MTR: variants seen among roughly 807,000 people sequenced by gnomAD.
The protein encoded by MTR is methionine synthase.
A neutral mutation model predicts 154.8 loss-of-function variants in MTR; 84 were observed. That is an observed-to-expected ratio of 0.54 (90% confidence interval 0.45 to 0.65). The LOEUF (loss-of-function observed/expected upper bound fraction) is 0.65, where lower values mean the gene tolerates loss of function less well. Among genes scored for constraint, MTR ranks in the 30% least tolerant of loss-of-function variants. The probability of loss-of-function intolerance (pLI) is 0.00; values close to 1 mark genes in which losing one functional copy is unlikely to be tolerated. For missense variants in MTR, 1,275 were observed against 1,570.2 expected (o/e 0.81, Z 3.18); for synonymous variants, 554 against 553.9 (o/e 1.00, Z 0.00).
intron 24 of MTR, among the ~76,000 whole-genome samples, chr1:236,875,169 G>A (rs1665360924): frequency 6.6e-6 from 1 of 152,192 alleles, no homozygotes; most frequent in Non-Finnish European, 1.5e-5. Flanking sequence ...ATTAAACCGA[G>A]TGGAGAAGCT....
At chr1:236,835,224 G>A (rs1329041078) in intron 13 of MTR, among the ~76,000 whole-genome samples, 5 of 151,962 alleles carry the variant, frequency 3.3e-5, no homozygotes, top group African/African-American at 1.2e-4. Flanking sequence ...GGCTCCAGTC[G>A]GGGTGGAATG....
chr1:236,798,293 C>G (rs1368190821), intron 1 of MTR, among the ~76,000 whole-genome samples: 3 of 152,222 alleles, frequency 2.0e-5, no homozygotes, highest in Admixed American at 2.0e-4. Context: ...TTATAACTTA[C>G]ATGCACATAT....
rs1344360165 is a variant in MTR at position 236,901,675 on chromosome 1, C to A, written c.*4031C>A. The A allele has an allele frequency of 6.6e-6, 1 of 152,318 alleles. No homozygotes were observed. The highest frequency in any genetic ancestry group is 2.4e-5 in the African/African-American group (1 of 41,434). 9.4% of individuals were successfully genotyped at this position (152,318 alleles called of 1,614,324 possible). A position where few individuals can be genotyped will look rare whatever the true frequency, so the allele number is the denominator to read the frequency against. ...GCCGAGTTCTGGTGAGGGCCCTCTT[C>A]TGGGATGCAGCGGCCAGCTTCTCAT... On this transcript the variant is annotated 3_prime_UTR_variant, in exon 33 of 33. Transcript: ENST00000366577.
In MTR at chr1:236,808,991, G is replaced by A. The variant is rs377348122; in HGVS notation, c.409+218G>A. Among the ~76,000 whole-genome samples, 5 of 152,284 alleles carry A rather than the reference G, an allele frequency of 3.3e-5. No homozygotes were observed. In the East Asian group the frequency reaches 7.7e-4, roughly 24 times the overall value. On this transcript the variant is annotated intron_variant, in intron 4 of 32. Coordinates refer to ENST00000366577, the MANE Select transcript of MTR (RefSeq NM_000254.3). ...TGCCAACTCTGTGGTCCTTGGGCTC[G>A]GAATTTGCTCTTTCACCCTGGGTTA...
At chr1:236,873,302 G>C (rs1272720013) in intron 22 of MTR, among the ~76,000 whole-genome samples, 1 of 152,132 alleles carries the variant, frequency 6.6e-6, no homozygotes, top group Non-Finnish European at 1.5e-5. Flanking sequence ...GAGAAGAAGG[G>C]GTAGTTATTG....
intron 16 of MTR, 131 bp downstream of exon 16, chr1:236,850,654 C>A: frequency 1.1e-6 from 1 of 927,846 alleles, no homozygotes; most frequent in Non-Finnish European, 1.7e-6. Flanking sequence ...AATTGTTTTT[C>A]TGAAATGTAG....
rs757914866 is a variant in MTR at position 236,852,924 on chromosome 1, C to T, written c.1813-24C>T. 7 of 1,613,676 alleles carry T rather than the reference C, an allele frequency of 4.3e-6. No homozygotes were observed. The South Asian group carries it at 7.7e-5, about 18-fold the overall frequency. On this transcript the variant is annotated intron_variant, in intron 17 of 32. Coordinates refer to ENST00000366577, the MANE Select transcript of MTR (RefSeq NM_000254.3). ...GACTTAAGGTATCACTGTAAATTCT[C>T]ATTTTTATTTGTATTGCCCTTAGTC...
chr1:236,890,747 C>T (rs1666272470), intron 28 of MTR, among the ~76,000 whole-genome samples: 1 of 152,180 alleles, frequency 6.6e-6, no homozygotes, highest in Admixed American at 6.5e-5. Context: ...GCACAGGTCG[C>T]GTCTCCCAGA....
intron 8 of MTR, among the ~76,000 whole-genome samples, chr1:236,821,441 A>G (rs1458058843): frequency 6.6e-6 from 1 of 152,212 alleles, no homozygotes; most frequent in African/African-American, 2.4e-5. Flanking sequence ...GGCATGGACA[A>G]ACCACATCCA....
intron 11 of MTR, among the ~76,000 whole-genome samples, chr1:236,827,974 A>G (rs1662389322): frequency 6.6e-6 from 1 of 152,058 alleles, no homozygotes; most frequent in Admixed American, 6.6e-5. Context: ...CTCTTAGTAA[A>G]TAATATATAT....
intron 5 of MTR, 40 bp from the exon 6 acceptor site, chr1:236,812,698 A>G (rs1340715659): frequency 6.5e-7 from 1 of 1,529,522 alleles, no homozygotes; most frequent in East Asian, 2.2e-5. Context: ...TTCAGAGGAT[A>G]TTGATGACTG....
intron 27 of MTR, 100 bp from the exon 28 acceptor site, chr1:236,889,081 C>T (rs923020092): frequency 1.2e-5 from 17 of 1,410,128 alleles, no homozygotes; most frequent in African/African-American, 1.4e-5. Flanking sequence ...AGGAGGGAGG[C>T]GGAGTGTGGG....
At chr1:236,823,798 T>C (rs1284537436) in intron 8 of MTR, among the ~76,000 whole-genome samples, 7 of 107,766 alleles carry the variant, frequency 6.5e-5, no homozygotes, top group African/African-American at 3.0e-4. Context: ...GGTCAGATCT[T>C]TTTTTTTTTT....
chr1:236,854,270 G>C (rs1664074860), intron 18 of MTR, among the ~76,000 whole-genome samples: 1 of 152,154 alleles, frequency 6.6e-6, no homozygotes. Context: ...AAGGAGTTCA[G>C]ACACTGTGCC....
chr1:236,841,322 A>G (rs1477089940), intron 15 of MTR, among the ~76,000 whole-genome samples: 3 of 152,206 alleles, frequency 2.0e-5, no homozygotes, highest in African/African-American at 7.2e-5. Context: ...ATGCAGTAGT[A>G]TACTGTGATT....
chr1:236,802,069 G>A (rs1660728486), intron 1 of MTR, among the ~76,000 whole-genome samples: 1 of 152,148 alleles, frequency 6.6e-6, no homozygotes, highest in African/African-American at 2.4e-5. Flanking sequence ...TTGTCACAGG[G>A]CGAGGAAGGT....
At chr1:236,888,163 G>A (rs1246204302) in intron 27 of MTR, among the ~76,000 whole-genome samples, 1 of 152,164 alleles carries the variant, frequency 6.6e-6, no homozygotes, top group African/African-American at 2.4e-5. Flanking sequence ...TTCTCCCAGA[G>A]CCCCTGAGAT....
At chr1:236,803,189 C>T (rs1444703680) in intron 1 of MTR, among the ~76,000 whole-genome samples, 1 of 152,142 alleles carries the variant, frequency 6.6e-6, no homozygotes, top group African/African-American at 2.4e-5. Context: ...GTGTAGCCTA[C>T]CTTCACCTTG....
intron 2 of MTR, among the ~76,000 whole-genome samples, chr1:236,805,807 C>G (rs1049376005): frequency 3.3e-5 from 5 of 151,992 alleles, no homozygotes; most frequent in African/African-American, 1.2e-4. Context: ...TGATGTGTTA[C>G]CTTATGTTAG....
Sources: allele counts gnomAD v4.1 joint callset (sites outside exome capture counted in the v4.1 genomes callset), GRCh38; gene constraint gnomAD v4.1.1; transcripts MANE v1.5; gene names NCBI Gene and HGNC (gene_info 2026-07-23, HGNC 2026-07-21).